MORC1: variants seen among roughly 807,000 people sequenced by gnomAD.
The protein encoded by MORC1 is MORC family CW-type zinc finger 1, also known as MORC family CW-type zinc finger protein 1.
MORC1 carries 59 observed loss-of-function variants against 134.9 expected under a neutral mutation model. The observed-to-expected ratio is 0.44, with a 90% CI of 0.35 to 0.54. The LOEUF (loss-of-function observed/expected upper bound fraction) is 0.54, where lower values mean the gene tolerates loss of function less well. Among genes scored for constraint, MORC1 ranks in the 20% least tolerant of loss-of-function variants. The probability of loss-of-function intolerance (pLI) is 0.00; values close to 1 mark genes in which losing one functional copy is unlikely to be tolerated. For synonymous variants in MORC1, 395 were observed against 391.7 expected (o/e 1.01, Z -0.10); for missense variants, 947 against 1,134.5 (o/e 0.83, Z 2.37).
chr3:109,113,241 C>A (rs368900151), intron 2 of MORC1, among the ~76,000 whole-genome samples: 1 of 152,250 alleles, frequency 6.6e-6, no homozygotes, highest in African/African-American at 2.4e-5. Flanking sequence ...TTGGCTTCAT[C>A]CTTATTAGCT....
At chr3:109,110,496 C>T (rs529418763) in intron 3 of MORC1, among the ~76,000 whole-genome samples, 17 of 152,074 alleles carry the variant, frequency 1.1e-4, no homozygotes, top group Non-Finnish European at 1.9e-4. Flanking sequence ...AAATTGAGTG[C>T]TCCAAATCAC....
chr3:109,084,704 C>A (rs1031576193), intron 8 of MORC1, among the ~76,000 whole-genome samples: 5 of 151,472 alleles, frequency 3.3e-5, no homozygotes, highest in Non-Finnish European at 2.9e-5. Flanking sequence ...CAATCCTGAT[C>A]AAAAAAAACC....
At chr3:109,089,623 GA>G (rs143947602) in intron 8 of MORC1, among the ~76,000 whole-genome samples, 6 of 151,966 alleles carry the variant, frequency 3.9e-5, no homozygotes, top group Admixed American at 6.6e-5. Context: ...TATTTAAAGA[GA>G]AAAAAATGCG....
At chr3:108,997,862 A>C (rs2107512383) in intron 21 of MORC1, among the ~76,000 whole-genome samples, 1 of 144,194 alleles carries the variant, frequency 6.9e-6, no homozygotes, top group East Asian at 1.9e-4. Context: ...CTTAATATGG[A>C]AAAAAAAATC....
intron 17 of MORC1, among the ~76,000 whole-genome samples, chr3:109,019,566 G>A (rs1298851479): frequency 6.6e-6 from 1 of 151,968 alleles, no homozygotes; most frequent in Non-Finnish European, 1.5e-5. Context: ...ATATAATTTA[G>A]TAATAGAATG....
intron 23 of MORC1, among the ~76,000 whole-genome samples, chr3:108,980,025 G>A (rs1328465028): frequency 6.6e-6 from 1 of 151,752 alleles, no homozygotes; most frequent in African/African-American, 2.4e-5. Context: ...GTAACCATAT[G>A]GCAAAAATCT....
intron 15 of MORC1, among the ~76,000 whole-genome samples, chr3:109,033,072 C>A (rs186160818): frequency 6.6e-6 from 1 of 152,024 alleles, no homozygotes; most frequent in East Asian, 1.9e-4. Context: ...CTACTTTCAG[C>A]CAAAAGAACC....
chr3:109,049,506 G>T (rs1019746970), intron 14 of MORC1, among the ~76,000 whole-genome samples: 1 of 151,934 alleles, frequency 6.6e-6, no homozygotes, highest in East Asian at 1.9e-4. Flanking sequence ...GTAAATCTGG[G>T]AATATAACAC....
intron 16 of MORC1, among the ~76,000 whole-genome samples, chr3:109,029,562 G>A (rs1302322118): frequency 6.6e-6 from 1 of 152,024 alleles, no homozygotes; most frequent in Non-Finnish European, 1.5e-5. Flanking sequence ...TTCTCTGCTG[G>A]TAATCCCTAT....
At chr3:108,983,117 A>C (rs1432522162) in intron 23 of MORC1, among the ~76,000 whole-genome samples, 2 of 152,220 alleles carry the variant, frequency 1.3e-5, no homozygotes, top group East Asian at 3.8e-4. Context: ...AATGTGTTTT[A>C]GTTTTTGGAT....
intron 8 of MORC1, among the ~76,000 whole-genome samples, chr3:109,090,373 T>G (rs1950692761): frequency 6.6e-6 from 1 of 151,992 alleles, no homozygotes; most frequent in Admixed American, 6.6e-5. Context: ...ATCCCAGCAC[T>G]TTGGGAGGCC....
chr3:109,031,289 T>C (rs1181001490), intron 16 of MORC1, among the ~76,000 whole-genome samples: 4 of 152,310 alleles, frequency 2.6e-5, no homozygotes, highest in Non-Finnish European at 5.9e-5. Flanking sequence ...CTATGGGGCT[T>C]AGCTGGATCC....
At chr3:109,049,155 T>C (rs1949761866) in intron 14 of MORC1, 2 of 985,178 alleles carry the variant, frequency 2.0e-6, no homozygotes, top group Non-Finnish European at 2.4e-6. Flanking sequence ...AAAGCTGTTA[T>C]ATTCATTTTC....
At chr3:109,020,762 C>T (rs1210726300) in intron 17 of MORC1, among the ~76,000 whole-genome samples, 4 of 53,546 alleles carry the variant, frequency 7.5e-5, no homozygotes, top group Non-Finnish European at 4.2e-5. Flanking sequence ...GAGACTCTGT[C>T]TCAAAAAAAA....
intron 17 of MORC1, chr3:109,018,794 G>T (rs1374394489): frequency 6.6e-6 from 1 of 152,164 alleles, no homozygotes; most frequent in East Asian, 1.9e-4. Flanking sequence ...AAACATAACT[G>T]CTTGTGATAG....
chr3:109,081,913 T>C (rs1449780024), intron 8 of MORC1, among the ~76,000 whole-genome samples: 1 of 152,202 alleles, frequency 6.6e-6, no homozygotes, highest in African/African-American at 2.4e-5. Context: ...GCAGGAGATC[T>C]GTCCCTGCTT....
At chr3:108,982,100 A>G (rs1947741397) in intron 23 of MORC1, among the ~76,000 whole-genome samples, 1 of 152,242 alleles carries the variant, frequency 6.6e-6, no homozygotes, top group African/African-American at 2.4e-5. Flanking sequence ...AAGGATATGA[A>G]CAGACACTTC....
chr3:109,043,572 T>C (rs1364690245), intron 14 of MORC1, among the ~76,000 whole-genome samples: 2 of 152,100 alleles, frequency 1.3e-5, no homozygotes, highest in Non-Finnish European at 2.9e-5. Context: ...TTTCATGTTA[T>C]ATGTATTTCA....
At chr3:109,109,113 T>C (rs1420228885) in intron 3 of MORC1, among the ~76,000 whole-genome samples, 1 of 152,166 alleles carries the variant, frequency 6.6e-6, no homozygotes, top group Non-Finnish European at 1.5e-5. Flanking sequence ...CCTTTCATCA[T>C]TCAGGTCTTT....
Sources: allele counts gnomAD v4.1 joint callset (sites outside exome capture counted in the v4.1 genomes callset), GRCh38; gene constraint gnomAD v4.1.1; transcripts MANE v1.5; gene names NCBI Gene and HGNC (gene_info 2026-07-23, HGNC 2026-07-21).